Variants in NTAQ1 observed in about 807,000 individuals in gnomAD.
The protein encoded by NTAQ1 is protein N-terminal glutamine amidohydrolase.
NTAQ1 carries 21 observed loss-of-function variants against 28.2 expected under a neutral mutation model. That is an observed-to-expected ratio of 0.74 (90% CI 0.53 to 1.07). The LOEUF (loss-of-function observed/expected upper bound fraction) is 1.07, where lower values mean the gene tolerates loss of function less well. NTAQ1 is among the 50% of genes least tolerant of loss of function. The pLI is 0.00. For missense variants in NTAQ1, 264 were observed against 256.6 expected, an observed-to-expected ratio of 1.03 and a Z score of -0.20; for synonymous variants, 105 against 90.0, an observed-to-expected ratio of 1.17 and a Z score of -0.94.
downstream of NTAQ1, among the ~76,000 whole-genome samples, chr8:123,473,944 T>C (rs1245721585): frequency 6.6e-6 from 1 of 152,150 alleles, no homozygotes; most frequent in Non-Finnish European, 1.5e-5. Flanking sequence ...ATTACTGTTA[T>C]TATTAATATC....
chr8:123,473,376 A>C (rs1816060626), downstream of NTAQ1, among the ~76,000 whole-genome samples: 1 of 151,734 alleles, frequency 6.6e-6, no homozygotes. Flanking sequence ...GCTCACTGCA[A>C]CTTCCGTGCC....
At chr8:123,433,528 A>C (rs1176228687) in intron 3 of NTAQ1, among the ~76,000 whole-genome samples, 2 of 151,652 alleles carry the variant, frequency 1.3e-5, no homozygotes, top group Admixed American at 6.6e-5. Context: ...GCTCAGTGCA[A>C]CCTCTGTCTC....
chr8:123,459,081 A>G (rs1157099880), intron 6 of NTAQ1, among the ~76,000 whole-genome samples: 1 of 151,902 alleles, frequency 6.6e-6, no homozygotes, highest in African/African-American at 2.4e-5. Context: ...CGTCTCAAAT[A>G]AATAAAATAA....
At chr8:123,444,158 G>A (rs993145428), downstream of NTAQ1, among the ~76,000 whole-genome samples, 7 of 151,844 alleles carry the variant, frequency 4.6e-5, no homozygotes, top group Non-Finnish European at 2.9e-5. Context: ...ATGGAAAGAA[G>A]ATATTTCAAG....
At chr8:123,440,494 CCTTT>C (rs1378988581) in intron 5 of NTAQ1, among the ~76,000 whole-genome samples, 1 of 138,956 alleles carries the variant, frequency 7.2e-6, no homozygotes, top group Non-Finnish European at 1.5e-5. Context: ...GAGTAGCGTT[CCTTT>C]CTTCTTTTTT....
chr8:123,451,050 A>G (rs1388972378), downstream of NTAQ1, among the ~76,000 whole-genome samples: 1 of 152,166 alleles, frequency 6.6e-6, no homozygotes, highest in African/African-American at 2.4e-5. Context: ...CTGCTGGCCC[A>G]TTCCCTGTCC....
intron 5 of NTAQ1, among the ~76,000 whole-genome samples, chr8:123,440,116 A>C (rs1419719602): frequency 6.9e-6 from 1 of 144,290 alleles, no homozygotes; most frequent in Non-Finnish European, 1.5e-5. Flanking sequence ...GATTATAGGC[A>C]TGAGCCACCA....
intron 5 of NTAQ1, among the ~76,000 whole-genome samples, chr8:123,439,827 G>A (rs1814940386): frequency 1.3e-5 from 2 of 151,616 alleles, no homozygotes; most frequent in South Asian, 2.1e-4. Context: ...GGTGGTGCAC[G>A]CCTGTAATCC....
At chr8:123,450,416 G>T (rs1367733738), downstream of NTAQ1, among the ~76,000 whole-genome samples, 1 of 149,798 alleles carries the variant, frequency 6.7e-6, no homozygotes, top group Non-Finnish European at 1.5e-5. Flanking sequence ...GTTTGGGAAG[G>T]GGGCAGAGAA....
At chr8:123,460,397 CAG>C (rs1163225298) in intron 6 of NTAQ1, among the ~76,000 whole-genome samples, 1 of 152,200 alleles carries the variant, frequency 6.6e-6, no homozygotes, top group East Asian at 1.9e-4. Context: ...GGCCTGACTC[CAG>C]AATCACTACA....
At chr8:123,457,905 G>A (rs1287792903) in intron 6 of NTAQ1, among the ~76,000 whole-genome samples, 1 of 151,886 alleles carries the variant, frequency 6.6e-6, no homozygotes, top group Non-Finnish European at 1.5e-5. Flanking sequence ...GTGGTGTCAT[G>A]TGCCTGTAGT....
chr8:123,428,092 A>AC, intron 2 of NTAQ1, 69 bp downstream of exon 2: 3 of 1,093,562 alleles, frequency 2.7e-6, no homozygotes, highest in African/African-American at 3.0e-5. Flanking sequence ...AAATTAAAAA[A>AC]AAAAAAGCTA....
intron 1 of NTAQ1, among the ~76,000 whole-genome samples, chr8:123,421,437 T>C (rs561179156): frequency 6.6e-6 from 1 of 152,116 alleles, no homozygotes; most frequent in African/African-American, 2.4e-5. Flanking sequence ...GTGGTTTTGA[T>C]TTGCGTTTCT....
At chr8:123,454,272 G>A (rs1815584942) in intron 6 of NTAQ1, among the ~76,000 whole-genome samples, 1 of 152,148 alleles carries the variant, frequency 6.6e-6, no homozygotes, top group South Asian at 2.1e-4. Flanking sequence ...TGATGGAGAC[G>A]GGAAACAAAC....
chr8:123,471,067 T>G (rs1816036449), downstream of NTAQ1, among the ~76,000 whole-genome samples: 1 of 151,990 alleles, frequency 6.6e-6, no homozygotes, highest in Non-Finnish European at 1.5e-5. Context: ...ACTACAGGCA[T>G]GCACCACCAT....
chr8:123,423,133 CTT>C (rs1464385583), intron 1 of NTAQ1, among the ~76,000 whole-genome samples: 5 of 152,038 alleles, frequency 3.3e-5, no homozygotes, highest in African/African-American at 9.7e-5. Flanking sequence ...TGTTTGGGCT[CTT>C]TTTTGGTGCA....
chr8:123,444,871 C>T (rs1456837249), downstream of NTAQ1, among the ~76,000 whole-genome samples: 5 of 152,284 alleles, frequency 3.3e-5, no homozygotes, highest in East Asian at 9.6e-4. Context: ...GAGAACCTGA[C>T]ACACCAAGGA....
At chr8:123,431,385 A>C (rs1489021199) in intron 3 of NTAQ1, among the ~76,000 whole-genome samples, 2 of 152,172 alleles carry the variant, frequency 1.3e-5, no homozygotes. Context: ...TAAACACGAA[A>C]GCAAAGTAAA....
intron 6 of NTAQ1, among the ~76,000 whole-genome samples, chr8:123,460,841 C>G (rs13253461): frequency 0.91 from 138,999 of 152,054 alleles, 63,676 homozygotes; most frequent in East Asian, 0.99. Context: ...ATTGGCTGAA[C>G]GTTGCAAAGG....
Sources: allele counts gnomAD v4.1 joint callset (sites outside exome capture counted in the v4.1 genomes callset), GRCh38; gene constraint gnomAD v4.1.1; transcripts MANE v1.5; gene names NCBI Gene and HGNC (gene_info 2026-07-23, HGNC 2026-07-21).